NFYA: variants seen among roughly 807,000 people sequenced by gnomAD.
The protein encoded by NFYA is CAAT-box DNA binding protein subunit A.
NFYA carries 28 observed loss-of-function variants against 52.8 expected under a neutral mutation model. That is an observed-to-expected ratio of 0.53 (90% CI 0.39 to 0.73). The LOEUF is 0.73. Ranked by LOEUF, NFYA falls within the 30% of genes least tolerant of loss-of-function variation. The pLI, the probability that NFYA is intolerant of heterozygous loss-of-function variation, is 0.00. For synonymous variants in NFYA, 150 were observed against 150.7 expected (o/e 1.00, Z 0.03); for missense variants, 234 against 427.0 (o/e 0.55, Z 3.98).
rs527828184 is a variant in NFYA, at chr6:41,088,514, A to C, written c.310-1065A>C. Among the ~76,000 whole-genome samples, 181 of 152,234 alleles carry C rather than the reference A, an allele frequency of 1.2e-3. 1 individual carries two copies. Among genetic ancestry groups the C allele is most frequent in the South Asian group, 2.5e-3 (12 of 4,826 alleles). On this transcript the variant is annotated intron_variant, in intron 4 of 9. Transcript: ENST00000341376. ...TGTTGGATTCTTTCAAGGTCCTCTC[A>C]AGGCCCTTATCAAGGTGTTGTCCTG...
At chr6:41,080,716 T>TC (rs1196486155) in intron 2 of NFYA, 95 bp from the exon 3 acceptor site, 22 of 1,000,840 alleles carry the variant, frequency 2.2e-5, no homozygotes, top group Non-Finnish European at 3.3e-5. Flanking sequence ...CCTTCAGGCT[T>TC]CCGTCTCTCT....
rs78654930 is a variant in NFYA at position 41,097,558 on chromosome 6, T to C, written c.*148T>C. 196 of 758,148 alleles carry C rather than the reference T, an allele frequency of 2.6e-4. 1 individual carries two copies. The East Asian group carries it at 5.3e-3, about 21-fold the overall frequency. The allele number at this position is 758,148 out of a possible 1,614,324, so 47.0% of individuals were successfully genotyped here. A position where few individuals can be genotyped will look rare whatever the true frequency, so the allele number is the denominator to read the frequency against. The stretch of plus-strand genomic sequence containing the variant: ...TAGTTTTTAATAAGTGGCTCAGTAT[T>C]ACAATTGCAGCGATGCCTGGCAAAT... On this transcript the variant is annotated 3_prime_UTR_variant, in exon 10 of 10. Transcript: ENST00000341376.
chr6:41,094,558 C>G lies in NFYA; in HGVS notation c.990+61C>G, dbSNP rs564491229. ...TACCTTGTATTGACTTGAGTTGAAG[C>G]CTTCAGCAGTGTCCTCTTGCTATTT... On this transcript the variant is annotated intron_variant, in intron 9 of 9. Coordinates refer to ENST00000341376, the MANE Select transcript of NFYA (RefSeq NM_002505.5). 1.2e-4 allele frequency: 160 copies of G among 1,313,262 alleles called. 2 individuals carry two copies. The South Asian group carries it at 1.8e-3, about 15-fold the overall frequency. The allele number at this position is 1,313,262 out of a possible 1,614,324, so 81.4% of individuals were successfully genotyped here.
At chr6:41,081,178 A>G (rs889008289) in intron 3 of NFYA, among the ~76,000 whole-genome samples, 1 of 152,204 alleles carries the variant, frequency 6.6e-6, no homozygotes, top group African/African-American at 2.4e-5. Flanking sequence ...AGAAATTCTT[A>G]TAAGTGACAT....
At chr6:41,073,720 GC>G (rs975401269) in intron 1 of NFYA, among the ~76,000 whole-genome samples, 3 of 151,994 alleles carry the variant, frequency 2.0e-5, no homozygotes, top group South Asian at 2.1e-4. Flanking sequence ...CTATGGGCCC[GC>G]CCCCGCTGTC....
At chr6:41,080,681 T>C (rs1561851046) in intron 2 of NFYA, 130 bp from the exon 3 acceptor site, 4 of 668,902 alleles carry the variant, frequency 6.0e-6, no homozygotes, top group Non-Finnish European at 1.0e-5. Flanking sequence ...AGCTTCAATA[T>C]AGGGAGTCTG....
intron 1 of NFYA, among the ~76,000 whole-genome samples, chr6:41,074,520 G>A (rs1763676541): frequency 6.6e-6 from 1 of 152,222 alleles, no homozygotes; most frequent in Admixed American, 6.5e-5. Context: ...CTTTTGACTG[G>A]CCTTGAAGAA....
chr6:41,089,504 T>C lies in NFYA; in HGVS notation c.310-75T>C, dbSNP rs140740008. 9.0e-4 allele frequency: 1,266 copies of C among 1,413,388 alleles called. 12 individuals are homozygous for C. The Admixed American group carries it at 0.023, about 26-fold the overall frequency. 87.6% of individuals were successfully genotyped at this position (1,413,388 alleles called of 1,614,324 possible). ...GAACATTTTCTGCTTTCTAGAGAAATGTGGATAACTCTCGGGGACCAAAGG... is the reference window on the plus strand; with the variant it reads ...GAACATTTTCTGCTTTCTAGAGAAACGTGGATAACTCTCGGGGACCAAAGG... On this transcript the variant is annotated intron_variant, in intron 4 of 9. Transcript: ENST00000341376.
chr6:41,083,190 T>C (rs1449077996), intron 3 of NFYA, among the ~76,000 whole-genome samples: 2 of 152,334 alleles, frequency 1.3e-5, no homozygotes, highest in African/African-American at 2.4e-5. Flanking sequence ...CTATTAGGTA[T>C]TTTTGTATTG....
At chr6:41,082,542 TGAATA>T (rs1763938393) in intron 3 of NFYA, among the ~76,000 whole-genome samples, 1 of 152,220 alleles carries the variant, frequency 6.6e-6, no homozygotes, top group East Asian at 1.9e-4. Context: ...ATTAAGATGA[TGAATA>T]GATAGAAAAT....
chr6:41,092,190 T>G (rs1464347543), intron 7 of NFYA, among the ~76,000 whole-genome samples: 1 of 152,130 alleles, frequency 6.6e-6, no homozygotes, highest in Non-Finnish European at 1.5e-5. Flanking sequence ...AAATTAAGAA[T>G]GAGTAACAGA....
chr6:41,085,080 T>G (rs1390757166), intron 4 of NFYA, among the ~76,000 whole-genome samples: 3 of 152,184 alleles, frequency 2.0e-5, no homozygotes, highest in African/African-American at 7.2e-5. Flanking sequence ...AGTCATTATA[T>G]CCACTGTTAG....
chr6:41,074,838 A>C (rs1582018072), intron 1 of NFYA, among the ~76,000 whole-genome samples: 1 of 152,214 alleles, frequency 6.6e-6, no homozygotes, highest in Non-Finnish European at 1.5e-5. Context: ...ATAGTGGCTG[A>C]GTTCTTTGGG....
At chr6:41,086,922 A>AT (rs1366941225) in intron 4 of NFYA, among the ~76,000 whole-genome samples, 12 of 152,178 alleles carry the variant, frequency 7.9e-5, no homozygotes, top group African/African-American at 2.9e-4. Flanking sequence ...AAAAGAAAAT[A>AT]TAAGAATTTT....
chr6:41,102,063 A>G lies in NFYA; in HGVS notation c.*4653A>G, dbSNP rs901455411. Reference sequence around the variant, plus strand: ...CCTGACCTACAAGTCGGAACGTGACATGGACAAACTGGCCCATATCTTCAG... The same window carrying G: ...CCTGACCTACAAGTCGGAACGTGACGTGGACAAACTGGCCCATATCTTCAG... On this transcript the variant is annotated 3_prime_UTR_variant, in exon 10 of 10. Coordinates refer to ENST00000341376, the MANE Select transcript of NFYA (RefSeq NM_002505.5). The G allele has an allele frequency of 2.0e-5, 3 of 152,254 alleles. No individual in the cohort carries two copies. The highest frequency in any genetic ancestry group is 7.2e-5 in the African/African-American group (3 of 41,460). The allele number at this position is 152,254 out of a possible 1,614,324, so 9.4% of individuals were successfully genotyped here. A position where few individuals can be genotyped will look rare whatever the true frequency, so the allele number is the denominator to read the frequency against.
intron 4 of NFYA, among the ~76,000 whole-genome samples, chr6:41,088,428 A>C (rs896668326): frequency 6.6e-5 from 10 of 150,698 alleles, no homozygotes; most frequent in Non-Finnish European, 1.5e-4. Context: ...GTCTCCAAAA[A>C]AAAAAAAAAA....
In NFYA at chr6:41,099,702, A is replaced by G. The variant is rs1764449022; in HGVS notation, c.*2292A>G. 1.4e-5 allele frequency: 2 copies of G among 147,562 alleles called. No individual in the cohort carries two copies. Among genetic ancestry groups the G allele is most frequent in the African/African-American group, 4.9e-5 (2 of 40,602 alleles). The allele number at this position is 147,562 out of a possible 1,614,324, so 9.1% of individuals were successfully genotyped here. Reference sequence around the variant, plus strand: ...TGAATAATTGGTTTAATGCCTAGTTATGCAACTTGAGTGCTTTTTTTTTTT... The same window carrying G: ...TGAATAATTGGTTTAATGCCTAGTTGTGCAACTTGAGTGCTTTTTTTTTTT... On this transcript the variant is annotated 3_prime_UTR_variant, in exon 10 of 10. Coordinates refer to ENST00000341376, the MANE Select transcript of NFYA (RefSeq NM_002505.5).
intron 4 of NFYA, among the ~76,000 whole-genome samples, chr6:41,088,773 A>G (rs540507499): frequency 7.7e-4 from 117 of 152,040 alleles, no homozygotes; most frequent in African/African-American, 2.7e-3. Context: ...TTCAGTAGAT[A>G]CAGGGTTTTG....
chr6:41,078,836 G>A (rs543265948), intron 1 of NFYA, among the ~76,000 whole-genome samples, 193 bp from the exon 2 acceptor site: 80 of 152,192 alleles, frequency 5.3e-4, no homozygotes, highest in Non-Finnish European at 9.7e-4. Flanking sequence ...TTTTAGAAAC[G>A]TGAAAATAGC....
Sources: gnomAD v4.1 joint callset for allele counts (sites outside exome capture counted in the v4.1 genomes callset) on GRCh38, gnomAD v4.1.1 for gene constraint, MANE v1.5 for transcripts, NCBI Gene and HGNC (gene_info 2026-07-23, HGNC 2026-07-21) for gene names.